Variants in NALF1 observed in about 807,000 individuals in gnomAD.
NALF1 encodes family with sequence similarity 155 member A.
NALF1 carries 3 observed loss-of-function variants against 48.4 expected under a neutral mutation model. That is an observed-to-expected ratio of 0.06 (90% confidence interval 0.03 to 0.16). NALF1 has a LOEUF of 0.16. NALF1 is among the 10% of genes least tolerant of loss of function. NALF1 has a pLI of 1.00. For synonymous variants in NALF1, 262 were observed against 245.7 expected, an observed-to-expected ratio of 1.07 and a Z score of -0.62; for missense variants, 526 against 571.5, an observed-to-expected ratio of 0.92 and a Z score of 0.81.
intron 1 of NALF1, among the ~76,000 whole-genome samples, chr13:107,292,992 C>CTTTTTCT (rs745529749): frequency 0.022 from 2,444 of 110,618 alleles, 61 homozygotes; most frequent in Non-Finnish European, 0.031. Context: ...TTTTCTTTTT[C>CTTTTTCT]TTTTTTTTTT....
intron 1 of NALF1, among the ~76,000 whole-genome samples, chr13:107,483,269 T>C (rs1056387390): frequency 6.6e-6 from 1 of 152,154 alleles, no homozygotes; most frequent in Non-Finnish European, 1.5e-5. Flanking sequence ...TCATTAAAAG[T>C]CCCAAATTTC....
At chr13:107,417,083 T>C (rs1335374361) in intron 1 of NALF1, among the ~76,000 whole-genome samples, 1 of 152,242 alleles carries the variant, frequency 6.6e-6, no homozygotes, top group Non-Finnish European at 1.5e-5. Flanking sequence ...CACCTCCTTC[T>C]TCACTCAGTT....
At chr13:107,174,112 C>T (rs1163741272) in intron 2 of NALF1, among the ~76,000 whole-genome samples, 1 of 151,848 alleles carries the variant, frequency 6.6e-6, no homozygotes, top group Non-Finnish European at 1.5e-5. Context: ...ATTTGGGGTA[C>T]GCTTATTTGT....
chr13:107,809,124 A>C (rs1878907155), intron 1 of NALF1, among the ~76,000 whole-genome samples: 1 of 152,026 alleles, frequency 6.6e-6, no homozygotes, highest in Non-Finnish European at 1.5e-5. Context: ...GCAGAGTTTC[A>C]GATATGGAGT....
chr13:107,533,208 TA>T (rs1378126931), intron 1 of NALF1, among the ~76,000 whole-genome samples: 2 of 152,152 alleles, frequency 1.3e-5, no homozygotes, highest in Non-Finnish European at 2.9e-5. Flanking sequence ...AAGTGACTGT[TA>T]GAAACATTTA....
chr13:107,202,444 TG>T (rs1475493782), intron 2 of NALF1, among the ~76,000 whole-genome samples: 2 of 150,994 alleles, frequency 1.3e-5, no homozygotes, highest in Non-Finnish European at 3.0e-5. Context: ...TAAGGTGATT[TG>T]GATTCATAAT....
chr13:107,497,201 A>G (rs539972168), intron 1 of NALF1, among the ~76,000 whole-genome samples: 2 of 152,336 alleles, frequency 1.3e-5, no homozygotes, highest in South Asian at 4.1e-4. Flanking sequence ...ATAAATTGCT[A>G]TATCTCAGAA....
chr13:107,274,472 G>A (rs1026104565), intron 1 of NALF1, among the ~76,000 whole-genome samples: 7 of 152,122 alleles, frequency 4.6e-5, no homozygotes, highest in African/African-American at 7.2e-5. Context: ...TCAGGCAGGC[G>A]GATGGCTTGA....
chr13:107,842,343 T>C (rs1880065150), intron 1 of NALF1, among the ~76,000 whole-genome samples: 1 of 152,038 alleles, frequency 6.6e-6, no homozygotes, highest in African/African-American at 2.4e-5. Flanking sequence ...AATAGTGTGT[T>C]TATTACAGAA....
intron 1 of NALF1, among the ~76,000 whole-genome samples, chr13:107,297,037 T>C (rs1281206949): frequency 6.6e-6 from 1 of 152,036 alleles, no homozygotes; most frequent in African/African-American, 2.4e-5. Context: ...TATTTATTTA[T>C]TTATTTTTTC....
intron 1 of NALF1, among the ~76,000 whole-genome samples, chr13:107,555,608 T>C (rs1877447133): frequency 6.6e-6 from 1 of 151,986 alleles, no homozygotes. Flanking sequence ...TGTTTGATTT[T>C]AGTAACAAAT....
chr13:107,508,745 GC>G (rs1875782761), intron 1 of NALF1, among the ~76,000 whole-genome samples: 2 of 151,638 alleles, frequency 1.3e-5, no homozygotes, highest in South Asian at 4.2e-4. Flanking sequence ...CTACGCACAC[GC>G]CCCCAATCTC....
chr13:107,547,204 A>G (rs1323665), intron 1 of NALF1, among the ~76,000 whole-genome samples: 1 of 152,096 alleles, frequency 6.6e-6, no homozygotes, highest in South Asian at 2.1e-4. Context: ...AGAGTGCCTC[A>G]TATGTATAAT....
intron 1 of NALF1, among the ~76,000 whole-genome samples, chr13:107,765,836 T>TA (rs1170583294): frequency 6.6e-6 from 1 of 152,210 alleles, no homozygotes; most frequent in Non-Finnish European, 1.5e-5. Flanking sequence ...CTGAAGGGAA[T>TA]AAAGTATTTA....
intron 1 of NALF1, among the ~76,000 whole-genome samples, chr13:107,803,378 G>T (rs944554842): frequency 6.6e-5 from 10 of 151,984 alleles, no homozygotes; most frequent in African/African-American, 2.2e-4. Context: ...ATATTAGTGA[G>T]AGCCAACTGG....
chr13:107,286,944 T>C (rs929111200), intron 1 of NALF1, among the ~76,000 whole-genome samples: 1 of 152,210 alleles, frequency 6.6e-6, no homozygotes, highest in African/African-American at 2.4e-5. Flanking sequence ...GGTATAATTT[T>C]AAAGAGATGT....
At chr13:107,813,561 T>C (rs1879063037) in intron 1 of NALF1, among the ~76,000 whole-genome samples, 1 of 152,120 alleles carries the variant, frequency 6.6e-6, no homozygotes, top group South Asian at 2.1e-4. Context: ...ATATTACACA[T>C]GTACTAGGTG....
At chr13:107,326,549 A>T (rs34103004) in intron 1 of NALF1, among the ~76,000 whole-genome samples, 44,614 of 152,146 alleles carry the variant, frequency 0.29, 6,855 homozygotes, top group African/African-American at 0.32. Context: ...ACTGGTCTAC[A>T]CATAGCCAGT....
At chr13:107,178,787 C>CA (rs202011044) in intron 2 of NALF1, among the ~76,000 whole-genome samples, 20 of 151,578 alleles carry the variant, frequency 1.3e-4, no homozygotes, top group Admixed American at 6.6e-4. Flanking sequence ...ACTAAAAATA[C>CA]AAAAAAAATT....
Sources: gnomAD v4.1 joint callset for allele counts (sites outside exome capture counted in the v4.1 genomes callset) on GRCh38, gnomAD v4.1.1 for gene constraint, MANE v1.5 for transcripts, NCBI Gene and HGNC (gene_info 2026-07-23, HGNC 2026-07-21) for gene names.